SLIT2: variants seen among roughly 807,000 people sequenced by gnomAD.
The protein encoded by SLIT2 is slit homolog 2 protein.
In SLIT2, 41 loss-of-function variants were observed where a neutral mutation model predicts 185.7. That is an observed-to-expected ratio of 0.22 (90% CI 0.17 to 0.29). The LOEUF is 0.29. Among genes scored for constraint, SLIT2 ranks in the 10% least tolerant of loss-of-function variants. SLIT2 has a pLI of 1.00. For missense variants in SLIT2, 1,571 were observed against 1,909.0 expected, an observed-to-expected ratio of 0.82 and a Z score of 3.30; for synonymous variants, 693 against 680.2, an observed-to-expected ratio of 1.02 and a Z score of -0.29.
At chr4:20,485,718 T>C (rs1483927767) in intron 6 of SLIT2, among the ~76,000 whole-genome samples, 1 of 152,182 alleles carries the variant, frequency 6.6e-6, no homozygotes, top group Non-Finnish European at 1.5e-5. Context: ...ATAATAGTTA[T>C]CAGGACTCTG....
In SLIT2 at chr4:20,617,078, A is replaced by G; in HGVS notation, c.4016A>G (p.Lys1339Arg). The G allele has an allele frequency of 1.2e-6, 2 of 1,614,168 alleles. No homozygotes were observed. Among genetic ancestry groups the G allele is most frequent in the Non-Finnish European group, 1.7e-6 (2 of 1,179,974 alleles). ...ILPGCEPCHK[K>R]VCAHGTCQPS... ...CCTGGCTGTGAGCCATGCCACAAGA[A>G]GGTGTGTGCCCATGGCACATGCCAG... is the stretch of plus-strand genomic sequence containing the variant. The change falls in exon 35 of 37, where the codon AAG becomes AGG. Residue 1339 changes from lysine to arginine, a missense_variant. Lys to Arg is a conservative substitution (Grantham distance 26, BLOSUM62 2). Transcript: ENST00000504154.
chr4:20,570,916 A>G (rs898427906), intron 29 of SLIT2, among the ~76,000 whole-genome samples: 1 of 151,512 alleles, frequency 6.6e-6, no homozygotes, highest in Admixed American at 6.6e-5. Context: ...CCTTATTCTT[A>G]TCCATTTCTT....
chr4:20,463,452 T>TATATATATATATAG (rs1713953703), intron 4 of SLIT2, among the ~76,000 whole-genome samples: 3 of 19,820 alleles, frequency 1.5e-4, no homozygotes, highest in Non-Finnish European at 3.0e-4. Flanking sequence ...AACTGTGATA[T>TATATATATATATAG]ATATATATAT....
intron 4 of SLIT2, among the ~76,000 whole-genome samples, chr4:20,314,828 A>C (rs1320323688): frequency 6.6e-6 from 1 of 152,120 alleles, no homozygotes; most frequent in Non-Finnish European, 1.5e-5. Context: ...ACTTACTAGT[A>C]ATTAGGGAAA....
At chr4:20,564,545 T>G (rs999681887) in intron 26 of SLIT2, among the ~76,000 whole-genome samples, 2 of 151,928 alleles carry the variant, frequency 1.3e-5, no homozygotes, top group African/African-American at 4.8e-5. Context: ...ACTCAAGTGC[T>G]AGAAATAAGA....
At chr4:20,467,946 G>A (rs1412063867) in intron 5 of SLIT2, 123 bp downstream of exon 5, 2 of 507,304 alleles carry the variant, frequency 3.9e-6, no homozygotes, top group Non-Finnish European at 7.0e-6. Flanking sequence ...TGCTTGCGTA[G>A]GAGACCTTGT....
intron 4 of SLIT2, among the ~76,000 whole-genome samples, chr4:20,428,495 G>A (rs1728725387): frequency 3.3e-5 from 5 of 152,114 alleles, no homozygotes; most frequent in Admixed American, 3.3e-4. Flanking sequence ...ATTTGTGTGA[G>A]GGGAATTGAT....
intron 4 of SLIT2, among the ~76,000 whole-genome samples, chr4:20,434,411 G>A (rs553476491): frequency 1.8e-4 from 28 of 152,178 alleles, no homozygotes; most frequent in East Asian, 1.4e-3. Flanking sequence ...ACTTGAACCC[G>A]GGAGGCAGAG....
chr4:20,559,425 T>A (rs184066669), intron 26 of SLIT2, among the ~76,000 whole-genome samples: 1 of 152,070 alleles, frequency 6.6e-6, no homozygotes, highest in Admixed American at 6.6e-5. Context: ...GCACTGAAAC[T>A]TACAGTGCCC....
At chr4:20,588,821 A>G (rs1727275403) in intron 29 of SLIT2, among the ~76,000 whole-genome samples, 2 of 152,208 alleles carry the variant, frequency 1.3e-5, no homozygotes, top group Admixed American at 6.5e-5. Context: ...TTATGCCTTC[A>G]GCTCTCATTT....
intron 4 of SLIT2, among the ~76,000 whole-genome samples, chr4:20,372,639 G>A (rs571026350): frequency 3.3e-5 from 5 of 151,822 alleles, no homozygotes; most frequent in African/African-American, 1.2e-4. Flanking sequence ...TATGATCTTT[G>A]TTGGTTTCTT....
intron 4 of SLIT2, among the ~76,000 whole-genome samples, chr4:20,463,839 G>A (rs987630207): frequency 6.8e-6 from 1 of 148,078 alleles, no homozygotes; most frequent in Non-Finnish European, 1.5e-5. Context: ...TGGCGTCACT[G>A]CACTCCAGCC....
chr4:20,449,448 G>A (rs913773048), intron 4 of SLIT2, among the ~76,000 whole-genome samples: 12 of 152,010 alleles, frequency 7.9e-5, no homozygotes, highest in African/African-American at 2.7e-4. Context: ...TCACTCTGTC[G>A]CATAGACTGG....
intron 4 of SLIT2, among the ~76,000 whole-genome samples, chr4:20,431,314 G>A (rs192310008): frequency 1.8e-4 from 27 of 152,312 alleles, no homozygotes; most frequent in Admixed American, 1.4e-3. Context: ...GGAAGGCAAG[G>A]TAGACTAGGA....
chr4:20,465,964 CTT>C (rs34983010), intron 4 of SLIT2, among the ~76,000 whole-genome samples: 10,824 of 146,020 alleles, frequency 0.074, 504 homozygotes, highest in Admixed American at 0.17. Flanking sequence ...CTCTTTGAGG[CTT>C]TTTTTTTTTT....
Position 20,425,842 on chromosome 4 carries a change from T to G in SLIT2, c.396-41910T>G, listed in dbSNP as rs180746476. Among the ~76,000 whole-genome samples, 9 of 152,322 alleles carry G rather than the reference T, an allele frequency of 5.9e-5. No homozygotes were observed. The East Asian group carries it at 1.7e-3, about 29-fold the overall frequency. On this transcript the variant is annotated intron_variant, in intron 4 of 36. Coordinates refer to ENST00000504154, the MANE Select transcript of SLIT2 (RefSeq NM_004787.4). Reference sequence around the variant, plus strand: ...GAGAAAACTCAAGTGTAGCATTATTTCCAGCTGCTGCAGATTCCATGCTTT... The same window carrying G: ...GAGAAAACTCAAGTGTAGCATTATTGCCAGCTGCTGCAGATTCCATGCTTT...
chr4:20,472,592 A>C (rs867612652), intron 5 of SLIT2, among the ~76,000 whole-genome samples: 1 of 19,404 alleles, frequency 5.2e-5, no homozygotes, highest in Non-Finnish European at 7.9e-5. Flanking sequence ...ATATATAGAT[A>C]TATATCTATA....
chr4:20,437,914 C>CAAAAAAAAAAAAAA (rs1224604666), intron 4 of SLIT2, among the ~76,000 whole-genome samples: 4 of 65,612 alleles, frequency 6.1e-5, no homozygotes, highest in Admixed American at 1.8e-4. Flanking sequence ...GACTCCGTCT[C>CAAAAAAAAAAAAAA]AAAAAAAAAA....
intron 29 of SLIT2, among the ~76,000 whole-genome samples, chr4:20,580,515 G>C (rs1726472884): frequency 6.6e-6 from 1 of 151,884 alleles, no homozygotes; most frequent in South Asian, 2.1e-4. Context: ...GATGGCACAG[G>C]CATTCGACTC....
Sources: allele counts gnomAD v4.1 joint callset (sites outside exome capture counted in the v4.1 genomes callset), GRCh38; gene constraint gnomAD v4.1.1; transcripts MANE v1.5; gene names NCBI Gene and HGNC (gene_info 2026-07-23, HGNC 2026-07-21).